The following TENM1 variants were observed in gnomAD, a reference collection of about 807,000 sequenced individuals.
TENM1 encodes teneurin transmembrane protein 1.
A neutral mutation model predicts 174.8 loss-of-function variants in TENM1; 35 were observed. The observed-to-expected ratio is 0.20, with a 90% CI of 0.15 to 0.27. The LOEUF (loss-of-function observed/expected upper bound fraction) is 0.27. Among genes scored for constraint, TENM1 ranks in the 10% least tolerant of loss-of-function variants. The pLI is 1.00. For missense variants in TENM1, 1,633 were observed against 2,130.1 expected (o/e 0.77, Z 4.59); for synonymous variants, 781 against 798.7 (o/e 0.98, Z 0.37).
chrX:124,741,232 T>C (rs1387889635), intron 3 of TENM1, among the ~76,000 whole-genome samples: 1 of 111,789 alleles, frequency 8.9e-6, no homozygotes, highest in Non-Finnish European at 1.9e-5. Flanking sequence ...GTGTCACGCA[T>C]AGTTTTTTCT....
chrX:124,628,670 T>C (rs772847103), intron 11 of TENM1, among the ~76,000 whole-genome samples: 10 of 111,612 alleles, frequency 9.0e-5, no homozygotes, highest in Non-Finnish European at 1.3e-4. Flanking sequence ...GTGAATTACA[T>C]AATTGATCAT....
chrX:124,651,476 C>T (rs1451567231), intron 8 of TENM1, among the ~76,000 whole-genome samples: 2 of 111,885 alleles, frequency 1.8e-5, no homozygotes, highest in African/African-American at 6.5e-5. Context: ...AGCCCTAATG[C>T]TTCTAGAACC....
intron 30 of TENM1, 84 bp from the exon 34 acceptor site, chrX:124,382,896 G>T: frequency 1.3e-6 from 1 of 773,048 alleles, no homozygotes; most frequent in Non-Finnish European, 1.8e-6. Context: ...TACCTCTCCT[G>T]CCTTCAAACT....
intron 22 of TENM1, among the ~76,000 whole-genome samples, chrX:124,462,969 A>G (rs2061195404): frequency 9.0e-6 from 1 of 111,686 alleles, no homozygotes; most frequent in Admixed American, 9.5e-5. Flanking sequence ...AATATGGGAA[A>G]AGTGGGGTTG....
At chrX:125,019,987 C>G in the TENM1 span, among the ~76,000 whole-genome samples, 1 of 110,806 alleles carries the variant, frequency 9.0e-6, no homozygotes, top group African/African-American at 3.3e-5. Flanking sequence ...CTAGGATGGA[C>G]TCTGCCTCCA....
chrX:124,955,052 T>G (rs2058549413), intron 1 of TENM1, among the ~76,000 whole-genome samples: 1 of 112,173 alleles, frequency 8.9e-6, no homozygotes, highest in Non-Finnish European at 1.9e-5. Context: ...TTTCAAAGCC[T>G]TTCCTTCCAA....
At chrX:124,957,720 C>T (rs16998172) in intron 1 of TENM1, among the ~76,000 whole-genome samples, 1,859 of 110,557 alleles carry the variant, frequency 0.017, 36 homozygotes, top group African/African-American at 0.058. Flanking sequence ...GAAAAAGAAG[C>T]GTTAAAAGAA....
intron 1 of TENM1, among the ~76,000 whole-genome samples, chrX:124,961,602 C>T (rs2058654976): frequency 9.0e-6 from 1 of 111,160 alleles, no homozygotes; most frequent in African/African-American, 3.3e-5. Flanking sequence ...CAAGATCATG[C>T]CACTGCATTC....
intron 17 of TENM1, 134 bp from the exon 21 acceptor site, chrX:124,520,918 C>T (rs2047833111): frequency 1.7e-6 from 1 of 581,650 alleles, no homozygotes; most frequent in South Asian, 4.5e-5. Flanking sequence ...GACGTCAAGG[C>T]ATTTGTTCTT....
the TENM1 span, among the ~76,000 whole-genome samples, chrX:125,169,231 C>T: frequency 9.0e-6 from 1 of 111,600 alleles, no homozygotes; most frequent in African/African-American, 3.3e-5. Context: ...ATACTGACTT[C>T]TGTTTTGTCA....
At chrX:125,050,403 C>T in the TENM1 span, among the ~76,000 whole-genome samples, 27 of 109,002 alleles carry the variant, frequency 2.5e-4, no homozygotes, top group African/African-American at 8.7e-4. Context: ...TGAGTGAGAA[C>T]ATGTGGTGTC....
rs187195909 is a variant in TENM1, at chrX:124,516,172, C to T, written c.3301+4345G>A. ...CATACAGGAGATTGAAACTGGACCC[C>T]TTACTTACACCATATACACAAATCA... On this transcript the variant is annotated intron_variant, in intron 18 of 31. Coordinates refer to ENST00000422452, the Ensembl canonical transcript of TENM1. Among the ~76,000 whole-genome samples the T allele has an allele frequency of 5.4e-4, 61 of 111,968 alleles. 1 individual carries two copies. Among genetic ancestry groups the T allele is most frequent in the African/African-American group, 2.0e-3 (61 of 30,859 alleles).
the TENM1 span, among the ~76,000 whole-genome samples, chrX:124,994,123 A>G: frequency 6.4e-5 from 7 of 109,137 alleles, no homozygotes; most frequent in Non-Finnish European, 1.9e-5. Context: ...TAATACATAT[A>G]GGTATATCCC....
chrX:125,135,088 G>T, the TENM1 span, among the ~76,000 whole-genome samples: 2 of 111,665 alleles, frequency 1.8e-5, no homozygotes, highest in Non-Finnish European at 3.8e-5. Flanking sequence ...ATTCATTTCA[G>T]ATAGTACAAT....
chrX:124,463,836 G>GGT (rs61128914), intron 22 of TENM1, among the ~76,000 whole-genome samples: 17,112 of 90,670 alleles, frequency 0.19, 1,529 homozygotes, highest in Non-Finnish European at 0.24. Context: ...TAGAGGTTGG[G>GGT]GTGTGTGTGT....
At chrX:124,931,624 C>A (rs2058172863) in intron 1 of TENM1, among the ~76,000 whole-genome samples, 1 of 111,581 alleles carries the variant, frequency 9.0e-6, no homozygotes, top group Non-Finnish European at 1.9e-5. Context: ...CATAAGATTT[C>A]ACCTAAGTCT....
At chrX:124,407,737 C>T (rs1383503022) in intron 25 of TENM1, among the ~76,000 whole-genome samples, 1 of 112,638 alleles carries the variant, frequency 8.9e-6, no homozygotes, top group Non-Finnish European at 1.9e-5. Flanking sequence ...TATACACGTG[C>T]GTGTGTGCAC....
the TENM1 span, among the ~76,000 whole-genome samples, chrX:125,201,537 G>C: frequency 9.0e-6 from 1 of 111,695 alleles, no homozygotes; most frequent in Non-Finnish European, 1.9e-5. Flanking sequence ...TTTCTGCTAT[G>C]TATAGCTGAC....
At chrX:124,400,704 G>T (rs1288148157) in intron 27 of TENM1, among the ~76,000 whole-genome samples, 1 of 112,058 alleles carries the variant, frequency 8.9e-6, no homozygotes, top group African/African-American at 3.2e-5. Context: ...CATCTCATAT[G>T]ACAGCATTGT....
Sources: gnomAD v4.1 joint callset for allele counts (sites outside exome capture counted in the v4.1 genomes callset) on GRCh38, gnomAD v4.1.1 for gene constraint, MANE v1.5 for transcripts, NCBI Gene and HGNC (gene_info 2026-07-23, HGNC 2026-07-21) for gene names.